COL6A5: variants seen among roughly 807,000 people sequenced by gnomAD.
COL6A5 encodes collagen alpha-5(VI) chain.
Under a neutral mutation model 65.6 loss-of-function variants are expected in COL6A5, and 48 were observed. The ratio of observed to expected loss-of-function variants is 0.73; its 90% CI spans 0.58 to 0.93. COL6A5 has a LOEUF of 0.93. Among genes scored for constraint, COL6A5 ranks in the 40% least tolerant of loss-of-function variants. COL6A5 has a pLI of 0.00. For synonymous variants in COL6A5, 291 were observed against 322.8 expected (o/e 0.90, Z 1.05); for missense variants, 914 against 928.3 (o/e 0.98, Z 0.20).
intron 13 of COL6A5, among the ~76,000 whole-genome samples, chr3:130,405,053 C>T (rs2107668190): frequency 6.6e-6 from 1 of 152,358 alleles, no homozygotes; most frequent in Middle Eastern, 3.4e-3. Flanking sequence ...CTTCAGTGCT[C>T]ACCCCTGCAC....
intron 3 of COL6A5, among the ~76,000 whole-genome samples, chr3:130,441,996 G>A (rs1183672806): frequency 1.3e-5 from 2 of 152,118 alleles, no homozygotes; most frequent in African/African-American, 4.8e-5. Context: ...ACACCACAGT[G>A]ATAATGTCTT....
intron 1 of COL6A5, among the ~76,000 whole-genome samples, chr3:130,368,830 C>T (rs1419904949): frequency 6.6e-6 from 1 of 152,128 alleles, no homozygotes; most frequent in East Asian, 1.9e-4. Context: ...ATTATCTAGC[C>T]TCACAGTTTG....
At chr3:130,445,293 C>T (rs187457918) in intron 4 of COL6A5, among the ~76,000 whole-genome samples, 28 of 152,314 alleles carry the variant, frequency 1.8e-4, no homozygotes, top group African/African-American at 6.5e-4. Context: ...AAGGTCTGGG[C>T]AAAGTTACTG....
At chr3:130,425,645 T>C (rs1406336947) in intron 29 of COL6A5, among the ~76,000 whole-genome samples, 1 of 152,204 alleles carries the variant, frequency 6.6e-6, no homozygotes, top group Non-Finnish European at 1.5e-5. Context: ...CCATAATCTC[T>C]TGGCATTTAT....
At chr3:130,420,836 G>A (rs1003169369) in intron 25 of COL6A5, among the ~76,000 whole-genome samples, 10 of 152,020 alleles carry the variant, frequency 6.6e-5, no homozygotes, top group African/African-American at 2.2e-4. Context: ...TCTTCAGAGA[G>A]TTTCTCACCT....
At chr3:130,455,399 A>G in intron 4 of COL6A5, 56 bp from the exon 37 acceptor site, 2 of 1,033,282 alleles carry the variant, frequency 1.9e-6, no homozygotes, top group Non-Finnish European at 2.9e-6. Flanking sequence ...AGGATGTTTT[A>G]TTTGCCTCCT....
chr3:130,421,190 G>A (rs1335620147), exon 26 of COL6A5: 7 of 1,550,634 alleles, frequency 4.5e-6, no homozygotes, highest in Admixed American at 2.0e-5. Flanking sequence ...CAGATGGGAC[G>A]AAAAGGAGTA....
Position 130,346,687 on chromosome 3 carries a change from C to T in COL6A5, c.-29+706C>T, listed in dbSNP as rs140534229. The stretch of plus-strand genomic sequence containing the variant: ...ACTCTCAGGATCCCCAAGCTGGTAG[C>T]GTGTTATTTCTCTTACCAGGATCTT... On this transcript the variant is annotated intron_variant and NMD_transcript_variant, in intron 1 of 41. Coordinates refer to the COL6A5 transcript ENST00000312481. Among the ~76,000 whole-genome samples, 105 of 152,246 alleles carry T rather than the reference C, an allele frequency of 6.9e-4. 1 individual carries two copies. Among genetic ancestry groups the T allele is most frequent in the Non-Finnish European group, 1.6e-4 (11 of 68,012 alleles).
At chr3:130,483,981 A>G in intron 7 of COL6A5, 54 bp from the exon 41 acceptor site, 3 of 1,545,466 alleles carry the variant, frequency 1.9e-6, no homozygotes, top group Non-Finnish European at 2.7e-6. Flanking sequence ...CTGGAGGAAC[A>G]TTTTGAACAA....
intron 1 of COL6A5, among the ~76,000 whole-genome samples, chr3:130,356,836 A>C (rs1934940989): frequency 6.6e-6 from 1 of 152,188 alleles, no homozygotes; most frequent in African/African-American, 2.4e-5. Context: ...CTTGCATGTC[A>C]AAGCTGATGC....
At chr3:130,363,550 C>T (rs1050058436) in intron 1 of COL6A5, among the ~76,000 whole-genome samples, 18 of 152,172 alleles carry the variant, frequency 1.2e-4, no homozygotes, top group African/African-American at 4.3e-4. Flanking sequence ...TCTGATAAAA[C>T]CCCAGCAGGT....
exon 5 of COL6A5, chr3:130,455,470 A>G (rs1302741796): frequency 1.9e-6 from 3 of 1,610,630 alleles, no homozygotes; most frequent in African/African-American, 1.3e-5. Context: ...TTACTGAGCT[A>G]CAAGAGGATT....
exon 6 of COL6A5, chr3:130,469,366 A>G: frequency 6.2e-7 from 1 of 1,612,952 alleles, no homozygotes; most frequent in Non-Finnish European, 8.5e-7. Context: ...ACAAAGAATT[A>G]GAAGAATTAG....
At chr3:130,390,274 C>T (rs1936349105) in intron 6 of COL6A5, among the ~76,000 whole-genome samples, 1 of 152,090 alleles carries the variant, frequency 6.6e-6, no homozygotes, top group Non-Finnish European at 1.5e-5. Context: ...AGATTGTCTC[C>T]TAAGTATCAG....
chr3:130,395,074 G>A (rs1936546459), exon 8 of COL6A5: 1 of 1,551,614 alleles, frequency 6.4e-7, no homozygotes, highest in Non-Finnish European at 8.7e-7. Context: ...TTATTGAGTT[G>A]AAAAACTCTC....
intron 17 of COL6A5, among the ~76,000 whole-genome samples, chr3:130,409,041 T>G (rs1172127515): frequency 6.6e-6 from 1 of 152,230 alleles, no homozygotes; most frequent in Non-Finnish European, 1.5e-5. Context: ...GCTACCGTAT[T>G]GATGAATGCA....
chr3:130,377,402 G>A, intron 3 of COL6A5, among the ~76,000 whole-genome samples: 1 of 152,200 alleles, frequency 6.6e-6, no homozygotes. Flanking sequence ...TCTTGTTACA[G>A]TATGAGACTC....
intron 20 of COL6A5, among the ~76,000 whole-genome samples, chr3:130,412,077 C>T (rs373323177): frequency 2.6e-5 from 4 of 151,900 alleles, no homozygotes; most frequent in Non-Finnish European, 4.4e-5. Context: ...TTGTTTTACC[C>T]GTTGTTCCCA....
intron 18 of COL6A5, 94 bp from the exon 19 acceptor site, chr3:130,409,915 G>T: frequency 4.8e-6 from 4 of 832,008 alleles, no homozygotes; most frequent in South Asian, 3.5e-5. Context: ...CTTATAGCTT[G>T]ACCCAAATTA....
Sources: gnomAD v4.1 joint callset for allele counts (sites outside exome capture counted in the v4.1 genomes callset) on GRCh38, gnomAD v4.1.1 for gene constraint, MANE v1.5 for transcripts, NCBI Gene and HGNC (gene_info 2026-07-23, HGNC 2026-07-21) for gene names.